TRPC7: variants seen among roughly 807,000 people sequenced by gnomAD.
TRPC7 encodes the protein short transient receptor potential channel 7.
Under a neutral mutation model 90.1 loss-of-function variants are expected in TRPC7, and 42 were observed. The observed-to-expected ratio is 0.47, with a 90% confidence interval of 0.36 to 0.60. The LOEUF (loss-of-function observed/expected upper bound fraction) is 0.60. Ranked by LOEUF, TRPC7 falls within the 20% of genes least tolerant of loss-of-function variation. The pLI, the probability that TRPC7 is intolerant of heterozygous loss-of-function variation, is 0.00. For synonymous variants in TRPC7, 451 were observed against 436.3 expected, an observed-to-expected ratio of 1.03 and a Z score of -0.42; for missense variants, 955 against 1,112.3, an observed-to-expected ratio of 0.86 and a Z score of 2.01.
intron 3 of TRPC7, among the ~76,000 whole-genome samples, chr5:136,307,322 G>A (rs1437740871): frequency 4.6e-5 from 7 of 151,998 alleles, no homozygotes; most frequent in African/African-American, 1.5e-4. Context: ...CCTGGTAACT[G>A]TGATTCTACT....
chr5:136,319,365 G>T (rs1181281669), intron 2 of TRPC7, among the ~76,000 whole-genome samples: 2 of 151,914 alleles, frequency 1.3e-5, no homozygotes, highest in Non-Finnish European at 2.9e-5. Context: ...ACCTCCTTTG[G>T]CTACTCAAGG....
chr5:136,257,308 G>C (rs1490633780), intron 5 of TRPC7, among the ~76,000 whole-genome samples: 1 of 150,840 alleles, frequency 6.6e-6, no homozygotes, highest in African/African-American at 2.4e-5. Flanking sequence ...TCAGCGTCCC[G>C]AGTAGCTGGG....
chr5:136,270,177 C>T (rs577251090), intron 4 of TRPC7, among the ~76,000 whole-genome samples: 41 of 152,232 alleles, frequency 2.7e-4, no homozygotes, highest in Admixed American at 1.7e-3. Context: ...TGTGTGTGTG[C>T]GCGCACACGT....
chr5:136,231,462 G>C lies in TRPC7; in HGVS notation c.1932C>G (p.Phe644Leu). 1 of 1,612,946 alleles carries C rather than the reference G, an allele frequency of 6.2e-7. No individual in the cohort carries two copies. Among genetic ancestry groups the C allele is most frequent in the Non-Finnish European group, 8.5e-7 (1 of 1,179,392 alleles). ...AGAGAACGTAGCCAATGTTCTCGAT[G>C]AATTTGTGGTCGTATTTCAGCACCA... ...ISVVLKYDHK[F>L]IENIGYVLYG... is the part of the protein sequence containing the mutation. The change falls in exon 8 of 12, where the codon TTC becomes TTG. Residue 644 changes from phenylalanine to leucine, a missense_variant. This residue lies in a region of TRPC7 where 296 missense variants were observed against 422.7 expected (regional missense o/e 0.70). Transcript: ENST00000513104.
At chr5:136,301,325 C>T (rs1379897900) in intron 3 of TRPC7, among the ~76,000 whole-genome samples, 5 of 146,678 alleles carry the variant, frequency 3.4e-5, no homozygotes, top group African/African-American at 7.5e-5. Flanking sequence ...CTGCACCCAG[C>T]CCAGGCATTT....
At chr5:136,255,641 A>G (rs1214255964) in intron 5 of TRPC7, among the ~76,000 whole-genome samples, 1 of 152,218 alleles carries the variant, frequency 6.6e-6, no homozygotes. Context: ...TGAACTTGCA[A>G]TATCCTTGAG....
chr5:136,293,350 G>A (rs1015961417), intron 3 of TRPC7, among the ~76,000 whole-genome samples: 42 of 152,166 alleles, frequency 2.8e-4, no homozygotes, highest in Non-Finnish European at 3.2e-4. Context: ...AAGTCAAATT[G>A]TCCCTCTTTG....
intron 2 of TRPC7, among the ~76,000 whole-genome samples, chr5:136,330,564 GAGGAGC>G (rs1203788870): frequency 2.0e-5 from 3 of 152,242 alleles, no homozygotes; most frequent in African/African-American, 7.2e-5. Flanking sequence ...GCAGGTGTGG[GAGGAGC>G]ATTCAAGGAC....
chr5:136,334,081 G>C (rs1355169440), intron 2 of TRPC7, among the ~76,000 whole-genome samples: 1 of 151,986 alleles, frequency 6.6e-6, no homozygotes, highest in Non-Finnish European at 1.5e-5. Flanking sequence ...TCCAAAAAGA[G>C]GTTCAGAGTG....
At chr5:136,290,058 C>T (rs1000941544) in intron 3 of TRPC7, among the ~76,000 whole-genome samples, 7 of 152,170 alleles carry the variant, frequency 4.6e-5, no homozygotes, top group African/African-American at 1.2e-4. Context: ...CCAGTAAACT[C>T]CAACAGACCT....
intron 8 of TRPC7, among the ~76,000 whole-genome samples, chr5:136,229,877 C>T (rs1006488193): frequency 1.3e-5 from 2 of 152,240 alleles, no homozygotes; most frequent in Admixed American, 6.5e-5. Context: ...TTCCCTTCCC[C>T]AGAGGACGCC....
chr5:136,216,584 A>ATACTGGATCCACG (rs3832378), intron 10 of TRPC7, among the ~76,000 whole-genome samples: 75,079 of 151,940 alleles, frequency 0.49, 18,923 homozygotes, highest in African/African-American at 0.6. Flanking sequence ...AGTGGCACAA[A>ATACTGGATCCACG]TCTCTGCTCC....
intron 3 of TRPC7, among the ~76,000 whole-genome samples, chr5:136,283,964 C>T (rs1341540881): frequency 6.6e-6 from 1 of 152,140 alleles, no homozygotes; most frequent in Non-Finnish European, 1.5e-5. Flanking sequence ...TCTCCTAATT[C>T]CATTTATCAC....
intron 2 of TRPC7, among the ~76,000 whole-genome samples, chr5:136,349,325 G>T (rs1760113583): frequency 1.3e-5 from 2 of 152,118 alleles, no homozygotes; most frequent in Non-Finnish European, 2.9e-5. Flanking sequence ...GGAAAAATCT[G>T]CTATGGGAAT....
chr5:136,360,805 G>T lies in TRPC7; in HGVS notation c.3-3420C>A, dbSNP rs554512621. ...TTCACAATAGACTATGAAGCCATGA[G>T]AATTGATGCAGATATTGATGGAGGC... On this transcript the variant is annotated intron_variant, in intron 1 of 11. Transcript: ENST00000513104. Among the ~76,000 whole-genome samples, 35 of 152,276 alleles carry T rather than the reference G, an allele frequency of 2.3e-4. No individual in the cohort carries two copies. In the Middle Eastern group the frequency reaches 0.01, roughly 44 times the overall value.
At chr5:136,351,811 G>T (rs1384063629) in intron 2 of TRPC7, among the ~76,000 whole-genome samples, 4 of 152,140 alleles carry the variant, frequency 2.6e-5, no homozygotes, top group Admixed American at 2.0e-4. Context: ...AGTATTTTAG[G>T]CCCAGAGAAT....
chr5:136,319,569 T>G (rs188389590), intron 2 of TRPC7, among the ~76,000 whole-genome samples: 1 of 152,210 alleles, frequency 6.6e-6, no homozygotes, highest in African/African-American at 2.4e-5. Flanking sequence ...TCTACATTCA[T>G]GTCTCCATTT....
chr5:136,324,328 A>G (rs1759282229), intron 2 of TRPC7, among the ~76,000 whole-genome samples: 1 of 152,176 alleles, frequency 6.6e-6, no homozygotes, highest in Non-Finnish European at 1.5e-5. Context: ...ATTGCTTTGA[A>G]GATTGATAAG....
At chr5:136,338,727 A>G (rs922873315) in intron 2 of TRPC7, among the ~76,000 whole-genome samples, 13 of 152,326 alleles carry the variant, frequency 8.5e-5, no homozygotes, top group African/African-American at 3.1e-4. Context: ...TCACTTTTCA[A>G]TCAAATGCAG....
Sources: gnomAD v4.1 joint callset for allele counts (sites outside exome capture counted in the v4.1 genomes callset) on GRCh38, gnomAD v4.1.1 for gene constraint, gnomAD v4.1.1 regional missense constraint, MANE v1.5 for transcripts, NCBI Gene and HGNC (gene_info 2026-07-23, HGNC 2026-07-21) for gene names.